The following MBD5 variants were observed in gnomAD, a reference collection of about 807,000 sequenced individuals.
MBD5 encodes the protein methyl-CpG binding domain protein 5, also known as methyl-CpG-binding domain protein 5.
A neutral mutation model predicts 117.3 loss-of-function variants in MBD5; 13 were observed. That is an observed-to-expected ratio of 0.11 (90% CI 0.07 to 0.18). The LOEUF (loss-of-function observed/expected upper bound fraction) is 0.18, where lower values mean the gene tolerates loss of function less well. MBD5 is among the 10% of genes least tolerant of loss of function. MBD5 has a pLI of 1.00. For missense variants in MBD5, 1,879 were observed against 2,093.8 expected (o/e 0.90, Z 2.00); for synonymous variants, 727 against 766.4 (o/e 0.95, Z 0.85).
intron 2 of MBD5, among the ~76,000 whole-genome samples, chr2:148,195,194 G>A (rs1330902733): frequency 6.6e-6 from 1 of 151,456 alleles, no homozygotes; most frequent in African/African-American, 2.4e-5. Flanking sequence ...TAAAAACACA[G>A]GTAGGTTAAA....
chr2:148,459,312 T>G (rs1214685119), intron 5 of MBD5, among the ~76,000 whole-genome samples: 2 of 152,198 alleles, frequency 1.3e-5, no homozygotes. Flanking sequence ...AAAAATACAT[T>G]TCTTTTTTTC....
intron 1 of MBD5, among the ~76,000 whole-genome samples, chr2:148,079,403 C>A (rs1695586759): frequency 6.6e-6 from 1 of 152,144 alleles, no homozygotes; most frequent in Admixed American, 6.5e-5. Flanking sequence ...TTTGATAATA[C>A]AAACTAGAGA....
intron 1 of MBD5, among the ~76,000 whole-genome samples, chr2:148,118,897 T>C (rs959068864): frequency 6.6e-6 from 1 of 152,234 alleles, no homozygotes; most frequent in Non-Finnish European, 1.5e-5. Context: ...TATTCCATTG[T>C]ATGGATATAT....
At chr2:148,255,244 T>C (rs1558992856) in intron 3 of MBD5, among the ~76,000 whole-genome samples, 1 of 151,976 alleles carries the variant, frequency 6.6e-6, no homozygotes, top group Non-Finnish European at 1.5e-5. Context: ...CAAGGGCTTC[T>C]GCCCTGGGCA....
chr2:148,314,447 G>A (rs568410564), intron 3 of MBD5, among the ~76,000 whole-genome samples: 36 of 138,902 alleles, frequency 2.6e-4, no homozygotes, highest in Middle Eastern at 4.1e-3. Context: ...GCACCATCTC[G>A]GTTCACTGCA....
chr2:148,353,095 T>C (rs1405709808), intron 4 of MBD5, among the ~76,000 whole-genome samples: 1 of 152,136 alleles, frequency 6.6e-6, no homozygotes, highest in Admixed American at 6.6e-5. Context: ...AGAGCTATAG[T>C]TTCCAATAAA....
chr2:148,124,076 C>T (rs1356417726), intron 1 of MBD5, among the ~76,000 whole-genome samples: 2 of 151,956 alleles, frequency 1.3e-5, no homozygotes, highest in Non-Finnish European at 2.9e-5. Context: ...GGCAGGAGTT[C>T]GAGATCAGCC....
In MBD5 at chr2:148,458,858, G is replaced by A. The variant is rs1553517462; in HGVS notation, c.100G>A (p.Val34Met). 1 of 1,612,944 alleles carries A rather than the reference G, an allele frequency of 6.2e-7. No homozygotes were observed. Among genetic ancestry groups the A allele is most frequent in the African/African-American group, 1.3e-5 (1 of 74,842 alleles). The change falls in exon 5 of 14, where the codon GTG becomes ATG. Residue 34 changes from valine to methionine, a missense_variant. Val to Met is a conservative substitution (Grantham distance 21). Coordinates refer to ENST00000642680, the MANE Select transcript of MBD5 (RefSeq NM_001378120.1). The part of the protein sequence containing the change: ...GWQRRVDQNG[V>M]LYVSPSGSLL... ...GCAGCGTCGTGTGGATCAAAATGGA[G>A]TGCTTTATGTCAGGTAAGTTCTTAT...
intron 1 of MBD5, among the ~76,000 whole-genome samples, chr2:148,159,898 C>G (rs1375096877): frequency 1.3e-5 from 2 of 152,166 alleles, no homozygotes; most frequent in Non-Finnish European, 2.9e-5. Flanking sequence ...TCCAGGCAGT[C>G]TGAACTTGCA....
chr2:148,272,617 T>C (rs1465169386), intron 3 of MBD5, among the ~76,000 whole-genome samples: 1 of 152,206 alleles, frequency 6.6e-6, no homozygotes, highest in East Asian at 1.9e-4. Context: ...CTTTGCGCAC[T>C]TTTTAATCAA....
chr2:148,401,354 C>CA (rs141112421), intron 4 of MBD5, among the ~76,000 whole-genome samples: 45 of 147,218 alleles, frequency 3.1e-4, no homozygotes, highest in South Asian at 1.1e-3. Context: ...TTTTCCTTTT[C>CA]AAAAAAAAAA....
At chr2:148,162,300 CT>C (rs1042082774) in intron 1 of MBD5, among the ~76,000 whole-genome samples, 1 of 152,192 alleles carries the variant, frequency 6.6e-6, no homozygotes, top group Non-Finnish European at 1.5e-5. Flanking sequence ...CCCCACCCCC[CT>C]GTCCATTTAC....
At chr2:148,356,442 G>A (rs1030684694) in intron 4 of MBD5, among the ~76,000 whole-genome samples, 8 of 151,792 alleles carry the variant, frequency 5.3e-5, no homozygotes, top group Admixed American at 4.6e-4. Flanking sequence ...TCCCCCACTG[G>A]ACTGTAAGCT....
intron 1 of MBD5, among the ~76,000 whole-genome samples, chr2:148,151,536 C>T (rs535584231): frequency 7.0e-4 from 106 of 152,278 alleles, no homozygotes; most frequent in African/African-American, 2.3e-3. Context: ...CCTCCTTGTA[C>T]CTCTGGTAAA....
At chr2:148,242,640 G>A (rs898922315) in intron 3 of MBD5, among the ~76,000 whole-genome samples, 2 of 152,058 alleles carry the variant, frequency 1.3e-5, no homozygotes, top group Admixed American at 1.3e-4. Flanking sequence ...GAGAAACCAG[G>A]CCCAGTGAAA....
intron 1 of MBD5, among the ~76,000 whole-genome samples, chr2:148,143,979 G>T (rs1697380964): frequency 1.3e-5 from 2 of 152,104 alleles, no homozygotes; most frequent in South Asian, 2.1e-4. Flanking sequence ...GTAATGGGAT[G>T]GCTGGGTCAA....
chr2:148,357,867 T>C (rs1306527499), intron 4 of MBD5, among the ~76,000 whole-genome samples: 2 of 152,172 alleles, frequency 1.3e-5, no homozygotes, highest in Admixed American at 1.3e-4. Context: ...TTGTTCATTA[T>C]ACAAATATTC....
At chr2:148,306,898 A>G (rs1412641541) in intron 3 of MBD5, among the ~76,000 whole-genome samples, 1 of 152,178 alleles carries the variant, frequency 6.6e-6, no homozygotes, top group Non-Finnish European at 1.5e-5. Flanking sequence ...ATTTATATCA[A>G]TGACATATAC....
chr2:148,414,752 A>C (rs1705368738), intron 4 of MBD5, among the ~76,000 whole-genome samples: 1 of 152,092 alleles, frequency 6.6e-6, no homozygotes, highest in African/African-American at 2.4e-5. Flanking sequence ...GTTGGTTTAA[A>C]GTCTGTTTAG....
Sources: allele counts gnomAD v4.1 joint callset (sites outside exome capture counted in the v4.1 genomes callset), GRCh38; gene constraint gnomAD v4.1.1; transcripts MANE v1.5; gene names NCBI Gene and HGNC (gene_info 2026-07-23, HGNC 2026-07-21).